Variants in SUZ12 observed in about 807,000 individuals in gnomAD.
SUZ12 encodes polycomb protein SUZ12.
SUZ12 carries 17 observed loss-of-function variants against 87.3 expected under a neutral mutation model. That is an observed-to-expected ratio of 0.19 (90% confidence interval 0.13 to 0.29). SUZ12 has a LOEUF of 0.29. SUZ12 is among the 10% of genes least tolerant of loss of function. SUZ12 has a pLI of 1.00. For synonymous variants in SUZ12, 253 were observed against 312.4 expected (o/e 0.81, Z 2.01); for missense variants, 526 against 912.2 (o/e 0.58, Z 5.45).
intron 15 of SUZ12, among the ~76,000 whole-genome samples, chr17:31,997,687 A>AG (rs55864871): frequency 4.0e-5 from 6 of 149,012 alleles, no homozygotes; most frequent in Non-Finnish European, 8.9e-5. Flanking sequence ...AAAAAAAAAA[A>AG]GGCCACCTTG....
At chr17:31,992,511 G>A (rs1227590485) in intron 10 of SUZ12, among the ~76,000 whole-genome samples, 5 of 151,808 alleles carry the variant, frequency 3.3e-5, no homozygotes, top group South Asian at 2.1e-4. Flanking sequence ...CCAGATTCAC[G>A]CCATTCTCCT....
At chr17:31,940,635 C>G (rs1396318999) in intron 3 of SUZ12, 149 bp downstream of exon 3, 3 of 1,332,526 alleles carry the variant, frequency 2.3e-6, no homozygotes, top group African/African-American at 1.5e-5. Context: ...GAGAGAGTGA[C>G]TGGTTGAATT....
chr17:31,988,738 G>A (rs1436265949), intron 10 of SUZ12, among the ~76,000 whole-genome samples: 1 of 151,542 alleles, frequency 6.6e-6, no homozygotes, highest in East Asian at 2.0e-4. Flanking sequence ...GACTACAGGC[G>A]CATGCCACCA....
chr17:31,996,743 C>T (rs1003992904), intron 14 of SUZ12, 55 bp from the exon 15 acceptor site: 40 of 1,266,162 alleles, frequency 3.2e-5, no homozygotes, highest in Non-Finnish European at 4.1e-5. Flanking sequence ...TTGACATTCT[C>T]ACAAGTTTTT....
At chr17:31,990,617 G>A (rs572285) in intron 10 of SUZ12, among the ~76,000 whole-genome samples, 16,275 of 152,098 alleles carry the variant, frequency 0.11, 1,071 homozygotes, top group Middle Eastern at 0.15. Flanking sequence ...CACCCATCTC[G>A]GCCTCCCAAA....
intron 8 of SUZ12, among the ~76,000 whole-genome samples, chr17:31,980,702 C>T (rs1445004856): frequency 6.6e-6 from 1 of 151,816 alleles, no homozygotes; most frequent in Non-Finnish European, 1.5e-5. Flanking sequence ...CCCACCTCAG[C>T]CTCCCAAACT....
At chr17:31,978,203 T>G (rs1363425331) in intron 8 of SUZ12, among the ~76,000 whole-genome samples, 1 of 151,980 alleles carries the variant, frequency 6.6e-6, no homozygotes, top group African/African-American at 2.4e-5. Context: ...TGTTTATTTT[T>G]TATTTATTTA....
chr17:31,996,743 C>A, intron 14 of SUZ12, 55 bp from the exon 15 acceptor site: 1 of 1,266,280 alleles, frequency 7.9e-7, no homozygotes, highest in Non-Finnish European at 1.1e-6. Context: ...TTGACATTCT[C>A]ACAAGTTTTT....
At chr17:31,971,362 G>GA (rs1174189412) in intron 5 of SUZ12, among the ~76,000 whole-genome samples, 4 of 147,590 alleles carry the variant, frequency 2.7e-5, no homozygotes, top group Admixed American at 1.4e-4. Flanking sequence ...TTTTCTAGTA[G>GA]ATTTTAGGAG....
At chr17:31,962,959 C>G (rs73282225) in intron 4 of SUZ12, among the ~76,000 whole-genome samples, 23,958 of 146,844 alleles carry the variant, frequency 0.16, no homozygotes, top group African/African-American at 0.3. Context: ...TAGAATATTC[C>G]TCTTTCACTT....
intron 8 of SUZ12, among the ~76,000 whole-genome samples, chr17:31,980,048 G>A (rs1348709130): frequency 6.6e-6 from 1 of 151,034 alleles, no homozygotes. Context: ...AAACAGGCAG[G>A]CATGGTGACT....
intron 4 of SUZ12, among the ~76,000 whole-genome samples, chr17:31,962,417 C>G (rs1907783518): frequency 6.6e-6 from 1 of 152,136 alleles, no homozygotes; most frequent in African/African-American, 2.4e-5. Context: ...ATGGCAAAAT[C>G]CTGACTCCAC....
At chr17:31,964,115 C>T (rs1275420172) in intron 4 of SUZ12, among the ~76,000 whole-genome samples, 1 of 151,808 alleles carries the variant, frequency 6.6e-6, no homozygotes. Context: ...CAACCTCTGC[C>T]TCCTGGGCTC....
chr17:31,995,772 A>G lies in SUZ12; in HGVS notation c.1794+10A>G, dbSNP rs754291430. 2 of 1,565,770 alleles carry G rather than the reference A, an allele frequency of 1.3e-6. No individual in the cohort carries two copies. The highest frequency in any genetic ancestry group is 1.8e-6 in the Non-Finnish European group (2 of 1,142,696). ...AGAAAAAACCATTACAGTAATTATT[A>G]TTATCTTTATTGGCAATTATCTTGG... On this transcript the variant is annotated intron_variant, in intron 14 of 15. Transcript: ENST00000322652.
At chr17:31,984,556 A>G (rs890311121) in intron 9 of SUZ12, among the ~76,000 whole-genome samples, 3 of 152,250 alleles carry the variant, frequency 2.0e-5, no homozygotes, top group South Asian at 2.1e-4. Flanking sequence ...TTACAAACAA[A>G]TTATGGAATG....
chr17:31,981,592 C>T (rs1909107185), intron 8 of SUZ12, among the ~76,000 whole-genome samples: 2 of 152,178 alleles, frequency 1.3e-5, no homozygotes, highest in African/African-American at 4.8e-5. Flanking sequence ...TTTATTACCT[C>T]TTTGAGTAAA....
intron 5 of SUZ12, among the ~76,000 whole-genome samples, chr17:31,972,467 C>T (rs1187538029): frequency 1.3e-5 from 2 of 151,414 alleles, no homozygotes; most frequent in Non-Finnish European, 2.9e-5. Context: ...GACTAGAGGG[C>T]AGTGACAGGA....
intron 9 of SUZ12, among the ~76,000 whole-genome samples, chr17:31,985,961 T>A (rs761338822): frequency 3.4e-5 from 5 of 148,944 alleles, no homozygotes; most frequent in Non-Finnish European, 7.6e-5. Context: ...GTGCCCGGCC[T>A]GGCCTTTTTT....
chr17:31,997,666 C>CAAAAAAAAAAA (rs892389046), intron 15 of SUZ12, among the ~76,000 whole-genome samples: 24 of 70,406 alleles, frequency 3.4e-4, no homozygotes, highest in African/African-American at 1.1e-3. Context: ...ACCCTATCTC[C>CAAAAAAAAAAA]AAAAAAAAAA....
Sources: gnomAD v4.1 joint callset for allele counts (sites outside exome capture counted in the v4.1 genomes callset) on GRCh38, gnomAD v4.1.1 for gene constraint, MANE v1.5 for transcripts, NCBI Gene and HGNC (gene_info 2026-07-23, HGNC 2026-07-21) for gene names.